Variants in PIK3CB observed in about 807,000 individuals in gnomAD.
PIK3CB encodes the protein phosphatidylinositol-4,5-bisphosphate 3-kinase catalytic subunit beta.
In PIK3CB, 39 loss-of-function variants were observed where a neutral mutation model predicts 136.8. The ratio of observed to expected loss-of-function variants is 0.29; its 90% CI spans 0.22 to 0.37. The LOEUF (loss-of-function observed/expected upper bound fraction) is 0.37, where lower values mean the gene tolerates loss of function less well. Ranked by LOEUF, PIK3CB falls within the 10% of genes least tolerant of loss-of-function variation. The probability of loss-of-function intolerance (pLI) is 1.00; values close to 1 mark genes in which losing one functional copy is unlikely to be tolerated. For synonymous variants in PIK3CB, 428 were observed against 436.6 expected (o/e 0.98, Z 0.25); for missense variants, 868 against 1,275.4 (o/e 0.68, Z 4.87).
At position 138,688,868 on chromosome 3, in the gene PIK3CB, C is replaced by T. The variant is rs768593797; in HGVS notation, c.2136+7G>A. On this transcript the variant is annotated splice_region_variant and intron_variant, in intron 16 of 23. Transcript: ENST00000674063. ...AGAAAAAATGAATAAATAAAACAAG[C>T]TGATACCTGCTTAGAAAGCACTTTC... 1 of 1,579,632 alleles carries T rather than the reference C, an allele frequency of 6.3e-7. No homozygotes were observed. The highest frequency in any genetic ancestry group is 2.2e-5 in the East Asian group (1 of 44,652).
At chr3:138,703,902 T>C (rs1368835624) in intron 12 of PIK3CB, among the ~76,000 whole-genome samples, 1 of 152,166 alleles carries the variant, frequency 6.6e-6, no homozygotes, top group Non-Finnish European at 1.5e-5. Context: ...GCAGAAATGA[T>C]ACATACTAAT....
chr3:138,815,157 A>AT, intron 1 of PIK3CB, among the ~76,000 whole-genome samples: 10 of 118,256 alleles, frequency 8.5e-5, no homozygotes, highest in Non-Finnish European at 1.4e-4. Flanking sequence ...AAAAAAAAAA[A>AT]AAAAAATATA....
At chr3:138,811,272 AG>A (rs1486694464) in intron 1 of PIK3CB, among the ~76,000 whole-genome samples, 1 of 150,592 alleles carries the variant, frequency 6.6e-6, no homozygotes, top group Non-Finnish European at 1.5e-5. Flanking sequence ...AAAAAGTCTA[AG>A]ACACTGTCAT....
At position 138,654,918 on chromosome 3, in the gene PIK3CB, C is replaced by T. The variant is rs963479095; in HGVS notation, c.*471G>A. ...TAAATTCAAATTATATTATAATTTGCAGTTTACACAATTTTAAAAGGGAAG... is the reference window on the plus strand; with the variant it reads ...TAAATTCAAATTATATTATAATTTGTAGTTTACACAATTTTAAAAGGGAAG... On this transcript the variant is annotated 3_prime_UTR_variant, in exon 24 of 24. Coordinates refer to ENST00000674063, the MANE Select transcript of PIK3CB (RefSeq NM_006219.3). 5 of 213,322 alleles carry T rather than the reference C, an allele frequency of 2.3e-5. No individual in the cohort carries two copies. The highest frequency in any genetic ancestry group is 3.8e-5 in the Non-Finnish European group (4 of 105,786). 13.2% of individuals were successfully genotyped at this position (213,322 alleles called of 1,614,324 possible).
intron 21 of PIK3CB, among the ~76,000 whole-genome samples, chr3:138,663,321 A>G (rs1377266154): frequency 2.6e-5 from 4 of 152,196 alleles, no homozygotes; most frequent in Admixed American, 2.0e-4. Context: ...GTTAGGTACA[A>G]ATGTATCCCA....
intron 1 of PIK3CB, among the ~76,000 whole-genome samples, chr3:138,834,044 C>T (rs1020668639): frequency 2.6e-5 from 4 of 152,156 alleles, no homozygotes; most frequent in African/African-American, 9.7e-5. Context: ...AAATGTGCCC[C>T]CAAACGCACG....
intron 4 of PIK3CB, among the ~76,000 whole-genome samples, chr3:138,749,010 AAACACAGCAAAGGTAT>A (rs1370149147): frequency 6.6e-5 from 10 of 152,206 alleles, no homozygotes; most frequent in Non-Finnish European, 1.3e-4. Context: ...TAGAAAAATA[AAACACAGCAAAGGTAT>A]AACACAGCAA....
chr3:138,691,346 G>A (rs563468786), intron 14 of PIK3CB, among the ~76,000 whole-genome samples: 2 of 152,302 alleles, frequency 1.3e-5, no homozygotes, highest in South Asian at 4.1e-4. Context: ...GGAGTCAAGA[G>A]GGTCAAAGAA....
chr3:138,809,030 A>C (rs937762775), intron 1 of PIK3CB, among the ~76,000 whole-genome samples: 1 of 152,042 alleles, frequency 6.6e-6, no homozygotes, highest in African/African-American at 2.4e-5. Flanking sequence ...TCATGCCTGT[A>C]ATCTCAGCCG....
At chr3:138,688,272 C>A (rs977382303) in intron 16 of PIK3CB, among the ~76,000 whole-genome samples, 10 of 151,744 alleles carry the variant, frequency 6.6e-5, no homozygotes, top group African/African-American at 2.4e-4. Flanking sequence ...GAGGCCGAGG[C>A]GGGCGGATCA....
intron 2 of PIK3CB, among the ~76,000 whole-genome samples, chr3:138,762,475 T>C (rs2045675785): frequency 1.3e-5 from 2 of 152,158 alleles, no homozygotes; most frequent in African/African-American, 4.8e-5. Flanking sequence ...TCTTAACCAA[T>C]AAACTTCCAT....
chr3:138,834,342 T>A (rs1934174543), intron 1 of PIK3CB, among the ~76,000 whole-genome samples: 1 of 152,216 alleles, frequency 6.6e-6, no homozygotes, highest in South Asian at 2.1e-4. Flanking sequence ...GGTGTCCGCA[T>A]AGACGCGGGG....
intron 10 of PIK3CB, among the ~76,000 whole-genome samples, chr3:138,710,211 C>T (rs1051695361): frequency 3.3e-5 from 5 of 151,754 alleles, no homozygotes; most frequent in East Asian, 3.9e-4. Flanking sequence ...AAAAGAAATA[C>T]GTCAAATATA....
chr3:138,739,417 T>C (rs146093665), intron 5 of PIK3CB, among the ~76,000 whole-genome samples: 171 of 151,636 alleles, frequency 1.1e-3, no homozygotes, highest in African/African-American at 4.0e-3. Flanking sequence ...CACTCCAGCC[T>C]GGCGACAGAG....
At chr3:138,723,363 C>A (rs528323949) in intron 8 of PIK3CB, among the ~76,000 whole-genome samples, 2 of 152,108 alleles carry the variant, frequency 1.3e-5, no homozygotes, top group South Asian at 4.2e-4. Flanking sequence ...CCAGCCTGGG[C>A]AACATGGCGA....
intron 2 of PIK3CB, among the ~76,000 whole-genome samples, chr3:138,789,255 C>T (rs906105413): frequency 1.3e-5 from 2 of 152,090 alleles, no homozygotes; most frequent in Admixed American, 1.3e-4. Context: ...GCCAGGTGTT[C>T]AAGACTAGCC....
chr3:138,667,193 G>A (rs1025542842), intron 19 of PIK3CB, among the ~76,000 whole-genome samples: 1 of 135,296 alleles, frequency 7.4e-6, no homozygotes, highest in Non-Finnish European at 1.6e-5. Context: ...TGGCGACAGA[G>A]CGAGACTCTG....
At chr3:138,775,305 A>T (rs981243886) in intron 2 of PIK3CB, among the ~76,000 whole-genome samples, 6 of 152,224 alleles carry the variant, frequency 3.9e-5, no homozygotes, top group Non-Finnish European at 8.8e-5. Context: ...CAAGGAAATG[A>T]ATATTTAATA....
At chr3:138,826,124 G>A in intron 1 of PIK3CB, 1 of 1,020,684 alleles carries the variant, frequency 9.8e-7, no homozygotes. Context: ...CTAAATTCTT[G>A]AAGTCTGGTG....
Sources: gnomAD v4.1 joint callset for allele counts (sites outside exome capture counted in the v4.1 genomes callset) on GRCh38, gnomAD v4.1.1 for gene constraint, MANE v1.5 for transcripts, NCBI Gene and HGNC (gene_info 2026-07-23, HGNC 2026-07-21) for gene names.